The following BOC variants were observed in gnomAD, a reference collection of about 807,000 sequenced individuals.
BOC encodes the protein brother of CDO.
BOC carries 76 observed loss-of-function variants against 112.0 expected under a neutral mutation model. The ratio of observed to expected loss-of-function variants is 0.68; its 90% CI spans 0.56 to 0.82. The LOEUF is 0.82. Among genes scored for constraint, BOC ranks in the 40% least tolerant of loss-of-function variants. The pLI is 0.00. For synonymous variants in BOC, 580 were observed against 599.8 expected (o/e 0.97, Z 0.48); for missense variants, 1,309 against 1,511.7 (o/e 0.87, Z 2.22).
chr3:113,268,880 G>A (rs1043612736), intron 5 of BOC, among the ~76,000 whole-genome samples: 7 of 152,206 alleles, frequency 4.6e-5, no homozygotes, highest in Non-Finnish European at 8.8e-5. Context: ...ACAGGCTTGA[G>A]CCACCATGCT....
At chr3:113,270,749 G>A in intron 5 of BOC, 52 bp from the exon 6 acceptor site, 1 of 1,544,866 alleles carries the variant, frequency 6.5e-7, no homozygotes. Flanking sequence ...AAGCTGCAGA[G>A]TGAAGTATTC....
intron 16 of BOC, 77 bp downstream of exon 16, chr3:113,283,709 CT>C: frequency 7.2e-7 from 1 of 1,396,032 alleles, no homozygotes; most frequent in Non-Finnish European, 1.0e-6. Flanking sequence ...CTGCCTAGGT[CT>C]GTGTCCATGG....
At chr3:113,241,528 A>G (rs1008139813) in intron 2 of BOC, among the ~76,000 whole-genome samples, 7 of 151,918 alleles carry the variant, frequency 4.6e-5, no homozygotes, top group Non-Finnish European at 8.8e-5. Flanking sequence ...ACCAGCCCCA[A>G]CCTCTCTAGA....
intron 1 of BOC, among the ~76,000 whole-genome samples, chr3:113,213,005 T>C (rs535862922): frequency 6.6e-6 from 1 of 152,282 alleles, no homozygotes; most frequent in Non-Finnish European, 1.5e-5. Flanking sequence ...TAATGGAGCC[T>C]CGGGGATTTG....
chr3:113,226,025 G>A (rs1489160144), intron 2 of BOC, among the ~76,000 whole-genome samples: 2 of 152,158 alleles, frequency 1.3e-5, no homozygotes, highest in African/African-American at 2.4e-5. Flanking sequence ...GGCTTCCGTG[G>A]ATACACACCA....
In BOC at chr3:113,224,020, G is replaced by A. The variant is rs542235362; in HGVS notation, c.-82+7746G>A. Among the ~76,000 whole-genome samples the A allele has an allele frequency of 6.6e-4, 100 of 152,282 alleles. 1 individual carries two copies. Among genetic ancestry groups the A allele is most frequent in the African/African-American group, 2.4e-3 (98 of 41,572 alleles). On this transcript the variant is annotated intron_variant, in intron 2 of 19. Coordinates refer to ENST00000682979, the MANE Select transcript of BOC (RefSeq NM_001378074.1). ...TCAGCTGTGCAGACCTTCCCATCCC[G>A]TCCCTAAACAGAAAGACACGAGGAG...
intron 2 of BOC, among the ~76,000 whole-genome samples, chr3:113,225,298 C>T (rs1051443693): frequency 6.6e-6 from 1 of 151,958 alleles, no homozygotes; most frequent in African/African-American, 2.4e-5. Flanking sequence ...AAAAAAAACC[C>T]CAACTTCTGT....
chr3:113,271,020 A>G (rs1948057076), intron 6 of BOC, 76 bp downstream of exon 6: 2 of 1,597,786 alleles, frequency 1.3e-6, no homozygotes, highest in Admixed American at 1.7e-5. Context: ...AGGGAGGTAG[A>G]TACCTGGAGG....
At chr3:113,221,754 AG>A (rs1159343884) in intron 2 of BOC, among the ~76,000 whole-genome samples, 4 of 152,220 alleles carry the variant, frequency 2.6e-5, no homozygotes, top group Admixed American at 1.3e-4. Context: ...CAAAAGCTAG[AG>A]AAGGTCACTT....
At chr3:113,239,528 A>T (rs1316650182) in intron 2 of BOC, among the ~76,000 whole-genome samples, 3 of 152,240 alleles carry the variant, frequency 2.0e-5, no homozygotes, top group African/African-American at 7.2e-5. Context: ...TGCCTTCCTT[A>T]TGAGTTGGCC....
rs190073297 is a variant in BOC at position 113,248,408 on chromosome 3, C to T, written c.-81-1314C>T. On this transcript the variant is annotated intron_variant, in intron 2 of 19. Transcript: ENST00000682979. ...GTTTTAAATGGTGACTGTAAATCTT[C>T]GAGAGAGTCTCTGGTTAGGTAGATT... 3.1e-3 allele frequency among the ~76,000 whole-genome samples: 471 copies of T among 152,214 alleles called. 9 individuals are homozygous for T. Among genetic ancestry groups the T allele is most frequent in the Non-Finnish European group, 1.8e-3 (123 of 67,998 alleles).
At chr3:113,236,260 G>GTCTATATATACCCA (rs1943443428) in intron 2 of BOC, among the ~76,000 whole-genome samples, 1 of 35,818 alleles carries the variant, frequency 2.8e-5, no homozygotes, top group African/African-American at 6.9e-5. Flanking sequence ...GTGTGTGTGT[G>GTCTATATATACCCA]TGTGTGTATA....
chr3:113,244,166 G>T (rs1167809918), intron 2 of BOC, among the ~76,000 whole-genome samples: 1 of 152,240 alleles, frequency 6.6e-6, no homozygotes, highest in Non-Finnish European at 1.5e-5. Context: ...AGAGGAGCTT[G>T]TGGATATTTG....
chr3:113,235,373 A>G (rs1057336931), intron 2 of BOC, among the ~76,000 whole-genome samples: 2 of 152,182 alleles, frequency 1.3e-5, no homozygotes, highest in African/African-American at 4.8e-5. Context: ...CATTCACTGA[A>G]TGAGGTCAGA....
At chr3:113,238,478 A>C (rs1315625340) in intron 2 of BOC, among the ~76,000 whole-genome samples, 1 of 152,188 alleles carries the variant, frequency 6.6e-6, no homozygotes, top group Non-Finnish European at 1.5e-5. Flanking sequence ...CCTCACCCAG[A>C]TGCTCACTTG....
chr3:113,284,416 C>T lies in BOC; in HGVS notation c.2738C>T (p.Pro913Leu), dbSNP rs1330786490. 6.2e-7 allele frequency: 1 copy of T among 1,614,252 alleles called. No individual in the cohort carries two copies. The highest frequency in any genetic ancestry group is 8.5e-7 in the Non-Finnish European group (1 of 1,180,042). Reference sequence around the variant, plus strand: ...ACTATGGTGCCATTGGGAGGACTCCCAGGCCACCAGGCCAGTGGACAGCCC... The same window carrying T: ...ACTATGGTGCCATTGGGAGGACTCCTAGGCCACCAGGCCAGTGGACAGCCC... ...PYTMVPLGGL[P>L]GHQASGQPYL... The change falls in exon 17 of 20, where the codon CCA becomes CTA. Residue 913 changes from proline (P) to leucine (L), a missense_variant. Physicochemically the swap from Pro to Leu is moderately conservative, Grantham distance 98 (BLOSUM62 -3). Transcript: ENST00000682979.
Position 113,249,761 on chromosome 3 carries a change from G to T in BOC, c.-42G>T. On this transcript the variant is annotated 5_prime_UTR_variant, in exon 3 of 20. Coordinates refer to ENST00000682979, the MANE Select transcript of BOC (RefSeq NM_001378074.1). ...CGGCAGTATCTCTTTGTGTGACCCT[G>T]GCGGCTTATGGGACGTTGGCTTCAG... The T allele has an allele frequency of 6.5e-7, 1 of 1,542,142 alleles. No individual in the cohort carries two copies. The highest frequency in any genetic ancestry group is 1.2e-5 in the South Asian group (1 of 86,220).
chr3:113,281,236 GC>G, intron 15 of BOC, 83 bp downstream of exon 15: 1 of 1,501,388 alleles, frequency 6.7e-7, no homozygotes. Flanking sequence ...CCTGTGCGGT[GC>G]TGGGCCTCTT....
intron 4 of BOC, among the ~76,000 whole-genome samples, chr3:113,260,753 G>GAACA (rs1559854500): frequency 1.3e-5 from 2 of 151,588 alleles, no homozygotes; most frequent in Admixed American, 6.6e-5. Flanking sequence ...GAACAGAACA[G>GAACA]GTTTTCACCA....
Sources: gnomAD v4.1 joint callset for allele counts (sites outside exome capture counted in the v4.1 genomes callset) on GRCh38, gnomAD v4.1.1 for gene constraint, MANE v1.5 for transcripts, NCBI Gene and HGNC (gene_info 2026-07-23, HGNC 2026-07-21) for gene names.